GPR55: variants seen among roughly 807,000 people sequenced by gnomAD.
The protein encoded by GPR55 is G protein-coupled receptor 55, also known as G-protein coupled receptor 55.
Under a neutral mutation model 7.9 loss-of-function variants are expected in GPR55, and 6 were observed. The ratio of observed to expected loss-of-function variants is 0.76; its 90% CI spans 0.41 to 1.49. The LOEUF (loss-of-function observed/expected upper bound fraction) is 1.49, where lower values mean the gene tolerates loss of function less well. Among genes scored for constraint, GPR55 ranks in the 40% most tolerant of loss-of-function variants. GPR55 has a pLI of 0.01. For missense variants in GPR55, 376 were observed against 406.0 expected (o/e 0.93, Z 0.63); for synonymous variants, 183 against 166.8 (o/e 1.10, Z -0.75).
chr2:230,947,220 C>A (rs921214646), intron 1 of GPR55, among the ~76,000 whole-genome samples: 1 of 152,156 alleles, frequency 6.6e-6, no homozygotes, highest in African/African-American at 2.4e-5. Flanking sequence ...TGGTCAGCAC[C>A]ACCAGAGTTT....
chr2:230,922,747 G>A (rs1047627435), intron 1 of GPR55, among the ~76,000 whole-genome samples: 1 of 152,050 alleles, frequency 6.6e-6, no homozygotes, highest in African/African-American at 2.4e-5. Flanking sequence ...GGCTAATTTT[G>A]TATTTTTCGT....
At chr2:230,957,625 G>T in intron 1 of GPR55, 1 of 478,778 alleles carries the variant, frequency 2.1e-6, no homozygotes, top group African/African-American at 2.0e-5. Flanking sequence ...GCGAGCCCGC[G>T]AAGGGGAAGC....
In GPR55 at chr2:230,909,291, C is replaced by G. The variant is rs537394899; in HGVS notation, c.*712G>C. The G allele has an allele frequency of 1.3e-5, 2 of 152,556 alleles. No individual in the cohort carries two copies. The highest frequency in any genetic ancestry group is 3.8e-4 in the East Asian group (2 of 5,216). The allele number at this position is 152,556 out of a possible 1,614,324, so 9.5% of individuals were successfully genotyped here. ...CCCCAGAAGTGTCCTTTCCTCTCCC[C>G]CCTCATGGCTCTTGGATGTCATCAA... On this transcript the variant is annotated 3_prime_UTR_variant, in exon 2 of 2. Transcript: ENST00000650999.
chr2:230,908,858 C>T lies in GPR55; in HGVS notation c.*1145G>A, dbSNP rs913856420. 5.9e-5 allele frequency: 9 copies of T among 152,286 alleles called. No homozygotes were observed. The highest frequency in any genetic ancestry group is 1.9e-4 in the African/African-American group (8 of 41,452). 9.4% of individuals were successfully genotyped at this position (152,286 alleles called of 1,614,324 possible). A position where few individuals can be genotyped will look rare whatever the true frequency, so the allele number is the denominator to read the frequency against. On this transcript the variant is annotated 3_prime_UTR_variant, in exon 2 of 2. Coordinates refer to ENST00000650999, the MANE Select transcript of GPR55 (RefSeq NM_005683.4). ...GCGTGACTCAATTGTTTACAGTTTC[C>T]TGGGACCAGCAGGGACCCCCCCTTG... is the stretch of plus-strand genomic sequence containing the variant.
At chr2:230,948,826 C>T (rs1432737044) in intron 1 of GPR55, among the ~76,000 whole-genome samples, 1 of 152,154 alleles carries the variant, frequency 6.6e-6, no homozygotes, top group Non-Finnish European at 1.5e-5. Context: ...GCCTGTAATC[C>T]CAGCACTTTG....
intron 1 of GPR55, among the ~76,000 whole-genome samples, chr2:230,942,880 G>A (rs1263138479): frequency 6.6e-6 from 1 of 152,062 alleles, no homozygotes; most frequent in Admixed American, 6.6e-5. Flanking sequence ...GGGAGAGCTG[G>A]GTGAAAGCAG....
intron 1 of GPR55, among the ~76,000 whole-genome samples, chr2:230,913,042 C>T (rs759653678): frequency 1.2e-4 from 18 of 152,188 alleles, no homozygotes; most frequent in Non-Finnish European, 2.2e-4. Flanking sequence ...GAGCCCCTGT[C>T]CCTTGCTTTT....
intron 1 of GPR55, among the ~76,000 whole-genome samples, chr2:230,948,364 G>A (rs1300860790): frequency 6.6e-6 from 1 of 152,068 alleles, no homozygotes; most frequent in Non-Finnish European, 1.5e-5. Flanking sequence ...CCTCCCAACC[G>A]CACTGACCTG....
At chr2:230,941,632 A>G (rs969796205) in intron 1 of GPR55, among the ~76,000 whole-genome samples, 1 of 152,024 alleles carries the variant, frequency 6.6e-6, no homozygotes. Context: ...CTCAGGGACA[A>G]ATGAGGTCCC....
At chr2:230,958,175 A>G (rs1419904089) in intron 1 of GPR55, among the ~76,000 whole-genome samples, 5 of 152,250 alleles carry the variant, frequency 3.3e-5, no homozygotes, top group African/African-American at 7.2e-5. Flanking sequence ...GAAACCACAC[A>G]TAAGAGAGTA....
At chr2:230,958,046 C>A in intron 1 of GPR55, 2 of 262,368 alleles carry the variant, frequency 7.6e-6, no homozygotes, top group Non-Finnish European at 1.6e-5. Flanking sequence ...AATAAGCTCT[C>A]AATCAAGTAA....
At chr2:230,956,267 C>G (rs1039005827) in intron 1 of GPR55, among the ~76,000 whole-genome samples, 2 of 152,086 alleles carry the variant, frequency 1.3e-5, no homozygotes, top group Non-Finnish European at 1.5e-5. Flanking sequence ...TGGGTTCAAG[C>G]AATTTTCCTG....
intron 1 of GPR55, among the ~76,000 whole-genome samples, chr2:230,951,756 GTTT>G (rs869195749): frequency 2.1e-5 from 1 of 47,534 alleles, no homozygotes; most frequent in Admixed American, 1.8e-4. Flanking sequence ...TGTTATTGGG[GTTT>G]TTTTTTTTTT....
In GPR55 at chr2:230,908,433, C is replaced by T. The variant is rs1282831252; in HGVS notation, c.*1570G>A. On this transcript the variant is annotated 3_prime_UTR_variant, in exon 2 of 2. Coordinates refer to ENST00000650999, the MANE Select transcript of GPR55 (RefSeq NM_005683.4). ...GGGAAAGCTCTCAGGCAGGAAGCAG[C>T]TCAGCCAGGTTCCCCACCCACCCTG... is the stretch of plus-strand genomic sequence containing the variant. 6.6e-6 allele frequency: 1 copy of T among 152,594 alleles called. No individual in the cohort carries two copies. Among genetic ancestry groups the T allele is most frequent in the African/African-American group, 2.4e-5 (1 of 41,432 alleles). 9.5% of individuals were successfully genotyped at this position (152,594 alleles called of 1,614,324 possible). A position where few individuals can be genotyped will look rare whatever the true frequency, so the allele number is the denominator to read the frequency against.
upstream of GPR55, among the ~76,000 whole-genome samples, chr2:230,925,462 G>A (rs570472022): frequency 4.6e-5 from 7 of 152,076 alleles, 1 homozygote; most frequent in East Asian, 5.8e-4. Context: ...AGATCTGCAC[G>A]CCCCCCTCCC....
At position 230,948,178 on chromosome 2, in the gene GPR55, G is replaced by A. The variant is rs533983698; in HGVS notation, c.-135+12597C>T. Among the ~76,000 whole-genome samples, 123 of 147,696 alleles carry A rather than the reference G, an allele frequency of 8.3e-4. 1 individual carries two copies. Among genetic ancestry groups the A allele is most frequent in the South Asian group, 2.0e-3 (9 of 4,402 alleles). ...CCCCTATGCTTGGTCTGTGTCTCCC[G>A]CAGGCCTCTGACAACAGCTGCTTAG... On this transcript the variant is annotated intron_variant, in intron 1 of 1. Coordinates refer to the GPR55 transcript ENST00000392039.
chr2:230,916,839 G>T (rs1690728203), intron 1 of GPR55, among the ~76,000 whole-genome samples: 1 of 151,974 alleles, frequency 6.6e-6, no homozygotes, highest in Non-Finnish European at 1.5e-5. Flanking sequence ...ACATAGCAAA[G>T]GAGTGAATAT....
At chr2:230,912,127 C>T (rs1690607111) in intron 1 of GPR55, among the ~76,000 whole-genome samples, 1 of 152,204 alleles carries the variant, frequency 6.6e-6, no homozygotes, top group South Asian at 2.1e-4. Context: ...TGCTGGTGTA[C>T]TTGACTTGGA....
chr2:230,941,405 T>C (rs77275277), intron 1 of GPR55, among the ~76,000 whole-genome samples: 3,712 of 152,308 alleles, frequency 0.024, 141 homozygotes, highest in African/African-American at 0.085. Flanking sequence ...GGTGGTATCC[T>C]GGGGGGCCTG....
Sources: allele counts gnomAD v4.1 joint callset (sites outside exome capture counted in the v4.1 genomes callset), GRCh38; gene constraint gnomAD v4.1.1; transcripts MANE v1.5; gene names NCBI Gene and HGNC (gene_info 2026-07-23, HGNC 2026-07-21).